Variants in CNTNAP5 observed in about 807,000 individuals in gnomAD.
The protein encoded by CNTNAP5 is contactin-associated protein-like 5.
A neutral mutation model predicts 150.2 loss-of-function variants in CNTNAP5; 72 were observed. That is an observed-to-expected ratio of 0.48 (90% CI 0.40 to 0.58). The LOEUF (loss-of-function observed/expected upper bound fraction) is 0.58. Among genes scored for constraint, CNTNAP5 ranks in the 20% least tolerant of loss-of-function variants. The pLI is 0.00. For missense variants in CNTNAP5, 1,636 were observed against 1,626.2 expected (o/e 1.01, Z -0.10); for synonymous variants, 672 against 619.8 (o/e 1.08, Z -1.25).
In CNTNAP5 at chr2:124,135,513, A is replaced by C. The variant is rs991876424; in HGVS notation, c.83-86192A>C. 3.3e-5 allele frequency among the ~76,000 whole-genome samples: 5 copies of C among 152,346 alleles called. No individual in the cohort carries two copies. In the East Asian group the frequency reaches 9.7e-4, roughly 29 times the overall value. The stretch of plus-strand genomic sequence containing the variant: ...TGGGCTTCAAGAAAGACTAGGAAAA[A>C]AAAATTAGAAAAGGAACAGGCAACT... On this transcript the variant is annotated intron_variant, in intron 1 of 23. Transcript: ENST00000682447.
chr2:124,033,830 A>G (rs1413311895), intron 1 of CNTNAP5, among the ~76,000 whole-genome samples: 1 of 152,198 alleles, frequency 6.6e-6, no homozygotes, highest in Non-Finnish European at 1.5e-5. Context: ...CTTCCAATTC[A>G]TATAGATAAG....
At chr2:124,765,217 T>C (rs2104602223) in intron 16 of CNTNAP5, among the ~76,000 whole-genome samples, 1 of 152,226 alleles carries the variant, frequency 6.6e-6, no homozygotes, top group East Asian at 1.9e-4. Flanking sequence ...CTTCTACATG[T>C]CTCTGCAAGC....
At chr2:124,819,353 A>G (rs567510195) in intron 19 of CNTNAP5, among the ~76,000 whole-genome samples, 85 of 152,168 alleles carry the variant, frequency 5.6e-4, no homozygotes, top group African/African-American at 1.9e-3. Context: ...AATTTTCACT[A>G]CCACTTAGGA....
intron 12 of CNTNAP5, among the ~76,000 whole-genome samples, chr2:124,638,283 A>T (rs1200546305): frequency 6.6e-6 from 1 of 151,570 alleles, no homozygotes; most frequent in Non-Finnish European, 1.5e-5. Context: ...ATGTCAGTAT[A>T]TTTACCCATT....
At chr2:124,293,154 A>T (rs1407067799) in intron 3 of CNTNAP5, among the ~76,000 whole-genome samples, 1 of 150,410 alleles carries the variant, frequency 6.6e-6, no homozygotes, top group Non-Finnish European at 1.5e-5. Flanking sequence ...AAAATTTTTA[A>T]ATTTTTTTAT....
intron 1 of CNTNAP5, among the ~76,000 whole-genome samples, chr2:124,088,323 G>C (rs1682741411): frequency 1.3e-5 from 2 of 151,664 alleles, no homozygotes. Context: ...ACTTTTCTTT[G>C]GTGAGGCTCT....
At chr2:124,718,767 C>A (rs182389749) in intron 13 of CNTNAP5, among the ~76,000 whole-genome samples, 66 of 152,026 alleles carry the variant, frequency 4.3e-4, no homozygotes, top group African/African-American at 1.6e-3. Flanking sequence ...TATGTCGAAA[C>A]CCCGTCTCTA....
intron 10 of CNTNAP5, among the ~76,000 whole-genome samples, chr2:124,547,009 G>C (rs373105316): frequency 2.6e-5 from 4 of 152,156 alleles, no homozygotes; most frequent in African/African-American, 9.7e-5. Flanking sequence ...TATTTAGGGA[G>C]AATTAAGCAA....
chr2:124,654,382 T>A (rs1392341726), intron 13 of CNTNAP5, among the ~76,000 whole-genome samples: 1 of 152,178 alleles, frequency 6.6e-6, no homozygotes, highest in Non-Finnish European at 1.5e-5. Context: ...GCTAAGCACA[T>A]AGACATTTTA....
At chr2:124,323,454 C>A (rs1689145507) in intron 3 of CNTNAP5, among the ~76,000 whole-genome samples, 1 of 152,142 alleles carries the variant, frequency 6.6e-6, no homozygotes, top group Non-Finnish European at 1.5e-5. Context: ...GTGTCTCTTG[C>A]ATCACTGAAG....
chr2:124,587,335 T>A (rs75054100), intron 11 of CNTNAP5, among the ~76,000 whole-genome samples: 3,000 of 152,312 alleles, frequency 0.02, 43 homozygotes, highest in South Asian at 0.065. Flanking sequence ...CAATGACAGA[T>A]GCATTTAAGG....
chr2:124,355,609 A>T (rs1250742706), intron 3 of CNTNAP5, among the ~76,000 whole-genome samples: 1 of 152,172 alleles, frequency 6.6e-6, no homozygotes, highest in South Asian at 2.1e-4. Context: ...GTGAGCCCAG[A>T]GGTTCAACTT....
intron 1 of CNTNAP5, among the ~76,000 whole-genome samples, chr2:124,058,713 T>C (rs1681923195): frequency 6.6e-6 from 1 of 152,228 alleles, no homozygotes; most frequent in Admixed American, 6.5e-5. Context: ...ATTTTATTTG[T>C]TAATTGAAGA....
At chr2:124,908,814 G>A (rs1375294684) in intron 22 of CNTNAP5, among the ~76,000 whole-genome samples, 2 of 151,996 alleles carry the variant, frequency 1.3e-5, no homozygotes, top group African/African-American at 4.8e-5. Flanking sequence ...GTGTATGTTT[G>A]TGTCTTAGTT....
At chr2:124,688,017 C>A (rs747574769) in intron 13 of CNTNAP5, among the ~76,000 whole-genome samples, 3 of 152,018 alleles carry the variant, frequency 2.0e-5, no homozygotes, top group Non-Finnish European at 2.9e-5. Context: ...AGGTGAGAAT[C>A]CTAGGGTCAC....
At chr2:124,040,329 G>C (rs1681333506) in intron 1 of CNTNAP5, among the ~76,000 whole-genome samples, 2 of 152,096 alleles carry the variant, frequency 1.3e-5, no homozygotes, top group African/African-American at 2.4e-5. Flanking sequence ...GTACACATTG[G>C]ATTAGTGAGC....
At chr2:124,911,627 C>A in intron 23 of CNTNAP5, 89 bp downstream of exon 23, 2 of 1,021,854 alleles carry the variant, frequency 2.0e-6, no homozygotes, top group Non-Finnish European at 3.0e-6. Context: ...TAATTATGGC[C>A]ATCCAGCACT....
At chr2:124,026,438 G>A (rs1680891468) in intron 1 of CNTNAP5, among the ~76,000 whole-genome samples, 1 of 152,168 alleles carries the variant, frequency 6.6e-6, no homozygotes, top group Admixed American at 6.5e-5. Context: ...TCTAACCTCG[G>A]CAAGTGTAGG....
chr2:124,904,432 A>G (rs900572001), intron 22 of CNTNAP5, among the ~76,000 whole-genome samples: 6 of 152,092 alleles, frequency 3.9e-5, no homozygotes, highest in Non-Finnish European at 8.8e-5. Context: ...CAGTAAACAC[A>G]AGTGCAGAAA....
Sources: gnomAD v4.1 joint callset for allele counts (sites outside exome capture counted in the v4.1 genomes callset) on GRCh38, gnomAD v4.1.1 for gene constraint, MANE v1.5 for transcripts, NCBI Gene and HGNC (gene_info 2026-07-23, HGNC 2026-07-21) for gene names.